The following NR3C2 variants were observed in gnomAD, a reference collection of about 807,000 sequenced individuals.
NR3C2 encodes the protein mineralocorticoid receptor.
NR3C2 carries 15 observed loss-of-function variants against 86.4 expected under a neutral mutation model. That is an observed-to-expected ratio of 0.17 (90% confidence interval 0.12 to 0.27). NR3C2 has a LOEUF of 0.27. Ranked by LOEUF, NR3C2 falls within the 10% of genes least tolerant of loss-of-function variation. The pLI is 1.00. For synonymous variants in NR3C2, 458 were observed against 450.5 expected (o/e 1.02, Z -0.21); for missense variants, 960 against 1,195.6 (o/e 0.80, Z 2.91).
At position 148,436,350 on chromosome 4, in the gene NR3C2, A is replaced by T; in HGVS notation, c.511T>A (p.Ser171Thr). 6.2e-7 allele frequency: 1 copy of T among 1,614,180 alleles called. No individual in the cohort carries two copies. The highest frequency in any genetic ancestry group is 8.5e-7 in the Non-Finnish European group (1 of 1,180,024). ...GCGCGCATGACGCCACCATTCACGG[A>T]GCTCCCAGAGTCAGACATAAATGAT... ...LRSFMSDSGS[S>T]VNGGVMRAVV... The change falls in exon 2 of 9, where the codon TCC (serine) becomes ACC (threonine). Residue 171 changes from serine to threonine, a missense_variant. Physicochemically the swap from Ser to Thr is moderately conservative, Grantham distance 58. This residue lies in a region of NR3C2 where 680 missense variants were observed against 719.0 expected (regional missense o/e 0.95). Transcript: ENST00000358102.
At chr4:148,138,048 CTT>C (rs1733428229) in intron 6 of NR3C2, among the ~76,000 whole-genome samples, 1 of 152,008 alleles carries the variant, frequency 6.6e-6, no homozygotes, top group South Asian at 2.1e-4. Flanking sequence ...ATAGATATAA[CTT>C]ACATAAAGAA....
chr4:148,204,086 G>A (rs1231843745), intron 3 of NR3C2, among the ~76,000 whole-genome samples: 3 of 151,896 alleles, frequency 2.0e-5, no homozygotes, highest in African/African-American at 7.3e-5. Context: ...AAAGGTGTTC[G>A]TTTTTCATTT....
At chr4:148,425,531 T>C (rs1749488258) in intron 2 of NR3C2, among the ~76,000 whole-genome samples, 1 of 151,994 alleles carries the variant, frequency 6.6e-6, no homozygotes, top group South Asian at 2.1e-4. Flanking sequence ...CACCAGTAAG[T>C]ACAGAGGACC....
intron 2 of NR3C2, among the ~76,000 whole-genome samples, chr4:148,270,869 G>A (rs900395936): frequency 5.3e-5 from 8 of 152,122 alleles, no homozygotes; most frequent in African/African-American, 1.9e-4. Context: ...TAACTGAGCT[G>A]CCACAGGAAA....
chr4:148,266,712 T>C (rs1206828346), intron 2 of NR3C2, among the ~76,000 whole-genome samples: 1 of 152,152 alleles, frequency 6.6e-6, no homozygotes, highest in East Asian at 1.9e-4. Flanking sequence ...AATCTTACTG[T>C]GACTGTTGGG....
intron 2 of NR3C2, among the ~76,000 whole-genome samples, chr4:148,380,200 T>A (rs1387804422): frequency 6.6e-6 from 1 of 152,256 alleles, no homozygotes; most frequent in Non-Finnish European, 1.5e-5. Context: ...TTCACATAAA[T>A]GGAATCAGAC....
chr4:148,272,025 CCTCT>C (rs1269778081), intron 2 of NR3C2, among the ~76,000 whole-genome samples: 6 of 152,004 alleles, frequency 3.9e-5, no homozygotes, highest in Non-Finnish European at 1.5e-5. Flanking sequence ...TTATCTTCTC[CCTCT>C]ATTTATTTAT....
intron 2 of NR3C2, among the ~76,000 whole-genome samples, chr4:148,396,069 T>C (rs574375205): frequency 1.3e-5 from 2 of 152,204 alleles, no homozygotes; most frequent in Non-Finnish European, 2.9e-5. Flanking sequence ...GTCAGTACCA[T>C]CTATTTAAGA....
chr4:148,290,369 G>A (rs1741740388), intron 2 of NR3C2, among the ~76,000 whole-genome samples: 1 of 152,142 alleles, frequency 6.6e-6, no homozygotes, highest in Non-Finnish European at 1.5e-5. Flanking sequence ...AGGGGGCAAA[G>A]AGAGAAGCAT....
intron 6 of NR3C2, among the ~76,000 whole-genome samples, chr4:148,151,973 AAC>A (rs1181771299): frequency 2.0e-5 from 3 of 152,228 alleles, no homozygotes; most frequent in Non-Finnish European, 2.9e-5. Context: ...GCTACAGAAT[AAC>A]AGTTTGGCTT....
chr4:148,325,155 AGT>A (rs57080333), intron 2 of NR3C2, among the ~76,000 whole-genome samples: 2 of 151,334 alleles, frequency 1.3e-5, no homozygotes, highest in Non-Finnish European at 1.5e-5. Flanking sequence ...AGAGAGACAG[AGT>A]GTGTGTGTGT....
At chr4:148,431,285 C>T (rs930689419) in intron 2 of NR3C2, among the ~76,000 whole-genome samples, 3 of 152,072 alleles carry the variant, frequency 2.0e-5, no homozygotes, top group Non-Finnish European at 4.4e-5. Context: ...CCCCAGACTA[C>T]CCTGAAAACC....
chr4:148,389,953 T>C (rs1747456527), intron 2 of NR3C2, among the ~76,000 whole-genome samples: 1 of 152,156 alleles, frequency 6.6e-6, no homozygotes, highest in Non-Finnish European at 1.5e-5. Flanking sequence ...ATCATTACCT[T>C]TTATATACAC....
intron 4 of NR3C2, among the ~76,000 whole-genome samples, chr4:148,159,887 CA>C (rs1734577455): frequency 6.6e-6 from 1 of 152,276 alleles, no homozygotes; most frequent in African/African-American, 2.4e-5. Flanking sequence ...CTTACTAAAT[CA>C]ATATTGAGTT....
intron 1 of NR3C2, among the ~76,000 whole-genome samples, chr4:148,437,797 C>T (rs912033607): frequency 6.6e-6 from 1 of 152,158 alleles, no homozygotes; most frequent in Non-Finnish European, 1.5e-5. Flanking sequence ...TGGCCTTAGA[C>T]CAGTCAGTGA....
intron 2 of NR3C2, among the ~76,000 whole-genome samples, chr4:148,273,402 AACACACATGTAT>A (rs1330804388): frequency 6.6e-6 from 1 of 152,186 alleles, no homozygotes; most frequent in African/African-American, 2.4e-5. Flanking sequence ...TAAGTGACAA[AACACACATGTAT>A]ACACACATGT....
chr4:148,403,961 T>TG (rs1748288945), intron 2 of NR3C2, among the ~76,000 whole-genome samples: 1 of 152,104 alleles, frequency 6.6e-6, no homozygotes, highest in Non-Finnish European at 1.5e-5. Flanking sequence ...ATGTTACATA[T>TG]GTTATTTGCC....
At position 148,436,622 on chromosome 4, in the gene NR3C2, C is replaced by T. The variant is rs1480875253; in HGVS notation, c.239G>A (p.Arg80Gln). The change falls in exon 2 of 9, where the codon CGG (arginine) becomes CAG (glutamine). Residue 80 changes from arginine to glutamine, a missense_variant. Transcript: ENST00000358102. ...AATATCAGATGTTAAAATCCCAGGC[C>T]GATTATTGTCTTGCTGAAGGCAAGG... ...LLPCLQQDNNRPGILTSDIKT... is the reference protein window; with the variant it reads ...LLPCLQQDNNQPGILTSDIKT... 2.5e-6 allele frequency: 4 copies of T among 1,614,012 alleles called. No individual in the cohort carries two copies. The highest frequency in any genetic ancestry group is 1.3e-5 in the African/African-American group (1 of 74,898).
At chr4:148,121,016 G>A (rs1434565678) in intron 6 of NR3C2, among the ~76,000 whole-genome samples, 1 of 152,150 alleles carries the variant, frequency 6.6e-6, no homozygotes, top group Non-Finnish European at 1.5e-5. Context: ...TTCTTGAGAA[G>A]TAAGCAAGGC....
Sources: gnomAD v4.1 joint callset for allele counts (sites outside exome capture counted in the v4.1 genomes callset) on GRCh38, gnomAD v4.1.1 for gene constraint, gnomAD v4.1.1 regional missense constraint, MANE v1.5 for transcripts, NCBI Gene and HGNC (gene_info 2026-07-23, HGNC 2026-07-21) for gene names.